The following AKT3 variants were observed in gnomAD, a reference collection of about 807,000 sequenced individuals.
AKT3 encodes RAC-gamma serine/threonine-protein kinase.
AKT3 carries 15 observed loss-of-function variants against 65.3 expected under a neutral mutation model. The ratio of observed to expected loss-of-function variants is 0.23; its 90% CI spans 0.15 to 0.35. The LOEUF (loss-of-function observed/expected upper bound fraction) is 0.35, where lower values mean the gene tolerates loss of function less well. Ranked by LOEUF, AKT3 falls within the 10% of genes least tolerant of loss-of-function variation. The pLI is 1.00. For missense variants in AKT3, 243 were observed against 576.5 expected, an observed-to-expected ratio of 0.42 and a Z score of 5.92; for synonymous variants, 206 against 183.8, an observed-to-expected ratio of 1.12 and a Z score of -0.98.
At position 243,602,502 on chromosome 1, in the gene AKT3, A is replaced by C. The variant is rs539687580; in HGVS notation, c.696+11169T>G. Among the ~76,000 whole-genome samples the C allele has an allele frequency of 2.0e-5, 3 of 152,302 alleles. No homozygotes were observed. The East Asian group carries it at 5.8e-4, about 29-fold the overall frequency. On this transcript the variant is annotated intron_variant, in intron 8 of 13. Transcript: ENST00000673466. ...GAAATGATAATTAAATTAATTTAAA[A>C]ATCACCCAGATCACACCTCCGTAAA...
intron 2 of AKT3, among the ~76,000 whole-genome samples, chr1:243,737,974 A>G (rs1364251646): frequency 6.6e-6 from 1 of 152,226 alleles, no homozygotes; most frequent in East Asian, 1.9e-4. Context: ...ATGACTGAAG[A>G]TAACTAATAT....
intron 2 of AKT3, among the ~76,000 whole-genome samples, chr1:243,697,563 C>A (rs1377093448): frequency 1.3e-5 from 2 of 152,058 alleles, no homozygotes; most frequent in African/African-American, 4.8e-5. Flanking sequence ...CTATACTGGA[C>A]TTTGAATGAA....
At chr1:243,606,969 A>G (rs917190927) in intron 8 of AKT3, among the ~76,000 whole-genome samples, 2 of 152,238 alleles carry the variant, frequency 1.3e-5, no homozygotes, top group Non-Finnish European at 2.9e-5. Flanking sequence ...GGCAGCTTCC[A>G]TGTGGTGTTG....
intron 12 of AKT3, among the ~76,000 whole-genome samples, chr1:243,529,813 T>G (rs1671408108): frequency 6.6e-6 from 1 of 152,116 alleles, no homozygotes; most frequent in East Asian, 1.9e-4. Flanking sequence ...ATAGTTTGGT[T>G]TTTTTTTCTA....
chr1:243,750,408 TACACACAC>T (rs56210876), intron 2 of AKT3, among the ~76,000 whole-genome samples: 58 of 149,176 alleles, frequency 3.9e-4, no homozygotes, highest in Admixed American at 8.0e-4. Context: ...CATGCACGTA[TACACACAC>T]ACACACACAC....
Position 243,505,332 on chromosome 1 carries a change from C to T in AKT3, c.1357G>A (p.Asp453Asn). 1 of 1,613,496 alleles carries T rather than the reference C, an allele frequency of 6.2e-7. No individual in the cohort carries two copies. ...TITITPPEKY[D>N]EDGMDCMDNE... ...TCCATGCAGTCCATACCATCCTCAT[C>T]ATCTGTGGGCAGGAAACATCTATTT... Residue 453 changes from aspartate (D) to asparagine (N), a missense_variant and splice_region_variant, in exon 14 of 14, where the codon GAT becomes AAT. This residue lies in a region of AKT3 where 57 missense variants were observed against 107.6 expected (regional missense o/e 0.53). Coordinates refer to ENST00000673466, the MANE Select transcript of AKT3 (RefSeq NM_005465.7).
At chr1:243,642,161 T>C (rs1680442888) in intron 5 of AKT3, among the ~76,000 whole-genome samples, 1 of 152,196 alleles carries the variant, frequency 6.6e-6, no homozygotes, top group Admixed American at 6.5e-5. Flanking sequence ...CTTCAGGAAA[T>C]TAAAAAGGTA....
chr1:243,777,909 T>A (rs1005369287), intron 2 of AKT3, among the ~76,000 whole-genome samples: 1 of 152,190 alleles, frequency 6.6e-6, no homozygotes, highest in African/African-American at 2.4e-5. Flanking sequence ...TCCCTGTTTT[T>A]CCTTTTCTCC....
chr1:243,593,575 T>C (rs1310491666), intron 8 of AKT3, among the ~76,000 whole-genome samples: 3 of 152,124 alleles, frequency 2.0e-5, no homozygotes, highest in Non-Finnish European at 4.4e-5. Flanking sequence ...TAGTCCCAGC[T>C]GCTTGGGAGG....
intron 2 of AKT3, among the ~76,000 whole-genome samples, chr1:243,806,913 T>C (rs1692762643): frequency 6.6e-6 from 1 of 152,160 alleles, no homozygotes; most frequent in African/African-American, 2.4e-5. Context: ...GGATCTCAAA[T>C]ATGGATTACA....
chr1:243,565,122 A>G lies in AKT3; in HGVS notation c.820-1274T>C, dbSNP rs538009836. 2.4e-4 allele frequency among the ~76,000 whole-genome samples: 37 copies of G among 152,326 alleles called. 1 individual carries two copies. In the South Asian group the frequency reaches 7.7e-3, roughly 32 times the overall value. On this transcript the variant is annotated intron_variant, in intron 9 of 13. Transcript: ENST00000673466. ...TTCAATGTGCCATCTAACTAAACCA[A>G]ATGCTTGATATACATTTCATGTATA...
At chr1:243,559,831 A>G (rs899456618) in intron 10 of AKT3, among the ~76,000 whole-genome samples, 1 of 152,138 alleles carries the variant, frequency 6.6e-6, no homozygotes, top group Non-Finnish European at 1.5e-5. Flanking sequence ...CTGATACACA[A>G]CTACTACTTC....
chr1:243,639,727 A>G (rs958198493), intron 5 of AKT3, among the ~76,000 whole-genome samples: 12 of 152,342 alleles, frequency 7.9e-5, no homozygotes, highest in Middle Eastern at 3.4e-3. Context: ...CCCCTTGTTT[A>G]GCATATGATT....
At chr1:243,765,404 T>C (rs1252963337) in intron 2 of AKT3, among the ~76,000 whole-genome samples, 1 of 152,116 alleles carries the variant, frequency 6.6e-6, no homozygotes, top group Non-Finnish European at 1.5e-5. Flanking sequence ...CCCTCAACCA[T>C]GTAAACCAGC....
chr1:243,692,897 T>C (rs1407047253), intron 3 of AKT3, among the ~76,000 whole-genome samples: 1 of 152,020 alleles, frequency 6.6e-6, no homozygotes, highest in Non-Finnish European at 1.5e-5. Flanking sequence ...AAGATATTTC[T>C]TTTCCCCTAC....
chr1:243,777,267 T>C (rs1007060785), intron 2 of AKT3, among the ~76,000 whole-genome samples: 1 of 152,146 alleles, frequency 6.6e-6, no homozygotes, highest in Non-Finnish European at 1.5e-5. Flanking sequence ...CAGTTCACAA[T>C]AGGGTTTGCA....
At chr1:243,637,892 C>T in intron 5 of AKT3, 150 bp from the exon 6 acceptor site, 2 of 491,976 alleles carry the variant, frequency 4.1e-6, no homozygotes, top group East Asian at 3.3e-5. Flanking sequence ...CTGGCATTGG[C>T]TGTCTCATTA....
intron 8 of AKT3, among the ~76,000 whole-genome samples, chr1:243,608,637 C>G (rs1219730105): frequency 2.0e-5 from 3 of 151,054 alleles, no homozygotes; most frequent in African/African-American, 4.9e-5. Flanking sequence ...GTGGATTGTG[C>G]TAGTGTGAAT....
chr1:243,592,389 A>C (rs1263289212), intron 8 of AKT3, among the ~76,000 whole-genome samples: 2 of 152,114 alleles, frequency 1.3e-5, no homozygotes, highest in Non-Finnish European at 2.9e-5. Flanking sequence ...AAGCCAAAGA[A>C]CTGTGAAGGA....
Sources: allele counts gnomAD v4.1 joint callset (sites outside exome capture counted in the v4.1 genomes callset), GRCh38; gene constraint gnomAD v4.1.1; regional missense constraint gnomAD v4.1.1; transcripts MANE v1.5; gene names NCBI Gene and HGNC (gene_info 2026-07-23, HGNC 2026-07-21).